The following CD2AP variants were observed in gnomAD, a reference collection of about 807,000 sequenced individuals.
CD2AP encodes CD2 associated protein, also known as CD2-associated protein.
CD2AP carries 46 observed loss-of-function variants against 85.1 expected under a neutral mutation model. The ratio of observed to expected loss-of-function variants is 0.54; its 90% CI spans 0.43 to 0.69. CD2AP has a LOEUF of 0.69. CD2AP is among the 30% of genes least tolerant of loss of function. The pLI is 0.00. For synonymous variants in CD2AP, 255 were observed against 252.9 expected (o/e 1.01, Z -0.08); for missense variants, 769 against 729.5 (o/e 1.05, Z -0.62).
At position 47,626,503 on chromosome 6, in the gene CD2AP, T is replaced by A. The variant is rs778386276; in HGVS notation, c.*2276T>A. The A allele has an allele frequency of 3.9e-5, 6 of 152,416 alleles. No individual in the cohort carries two copies. Among genetic ancestry groups the A allele is most frequent in the Admixed American group, 3.3e-4 (5 of 15,260 alleles). The allele number at this position is 152,416 out of a possible 1,614,324, so 9.4% of individuals were successfully genotyped here. ...AAAGTTGAACAGCATGGAATCTCAT[T>A]GCCAAATTATTAGTGAATGTATAGT... On this transcript the variant is annotated 3_prime_UTR_variant, in exon 18 of 18. Coordinates refer to ENST00000359314, the MANE Select transcript of CD2AP (RefSeq NM_012120.3).
intron 12 of CD2AP, among the ~76,000 whole-genome samples, chr6:47,597,750 C>A (rs1365965159): frequency 1.3e-5 from 2 of 149,260 alleles, no homozygotes; most frequent in African/African-American, 4.9e-5. Flanking sequence ...TGGTGGAATT[C>A]TCAACCTGGT....
intron 10 of CD2AP, 104 bp downstream of exon 10, chr6:47,581,004 T>C (rs1768463590): frequency 2.5e-6 from 2 of 814,544 alleles, no homozygotes; most frequent in East Asian, 2.5e-5. Flanking sequence ...TCAAGTATGA[T>C]GTCTGTAAAC....
chr6:47,488,716 A>G (rs1765639334), intron 1 of CD2AP, among the ~76,000 whole-genome samples: 2 of 69,720 alleles, frequency 2.9e-5, no homozygotes, highest in African/African-American at 9.6e-5. Flanking sequence ...GCAAGACTCC[A>G]TCTCTCCAAA....
At chr6:47,547,490 A>G (rs1767396244) in intron 4 of CD2AP, among the ~76,000 whole-genome samples, 1 of 152,042 alleles carries the variant, frequency 6.6e-6, no homozygotes, top group Admixed American at 6.5e-5. Flanking sequence ...ACAATTCTAT[A>G]TATATATATG....
rs576954086 is a variant in CD2AP at position 47,595,774 on chromosome 6, C to G, written c.1109-87C>G. 31 of 1,124,208 alleles carry G rather than the reference C, an allele frequency of 2.8e-5. No individual in the cohort carries two copies. The East Asian group carries it at 6.6e-4, about 24-fold the overall frequency. 69.6% of individuals were successfully genotyped at this position (1,124,208 alleles called of 1,614,324 possible). A position where few individuals can be genotyped will look rare whatever the true frequency, so the allele number is the denominator to read the frequency against. On this transcript the variant is annotated intron_variant, in intron 11 of 17. Transcript: ENST00000359314. ...AAAGTTCATGTCTGCCTCTGTCACA[C>G]TTTTCCAGCCTGATACAAACTTTTG...
intron 9 of CD2AP, 40 bp from the exon 10 acceptor site, chr6:47,580,824 T>C (rs765893069): frequency 1.4e-6 from 2 of 1,477,050 alleles, no homozygotes; most frequent in Non-Finnish European, 1.9e-6. Context: ...ATATTTGATA[T>C]GAAACTGGTC....
chr6:47,610,949 T>TTATATATATATATATATATATA (rs10580325), intron 16 of CD2AP, among the ~76,000 whole-genome samples: 21 of 114,208 alleles, frequency 1.8e-4, no homozygotes, highest in African/African-American at 4.0e-4. Context: ...TATTTCTGAT[T>TTATATATATATATATATATATA]TATATATATA....
chr6:47,528,000 CAT>C (rs1356663994), intron 2 of CD2AP, among the ~76,000 whole-genome samples: 1 of 152,084 alleles, frequency 6.6e-6, no homozygotes, highest in East Asian at 1.9e-4. Flanking sequence ...TTAATAGAAA[CAT>C]GTTTTATATA....
At chr6:47,614,449 A>G (rs1323947244) in intron 17 of CD2AP, among the ~76,000 whole-genome samples, 1 of 152,220 alleles carries the variant, frequency 6.6e-6, no homozygotes, top group Non-Finnish European at 1.5e-5. Flanking sequence ...GGAGAGAGTC[A>G]GAAGAAAGGC....
At chr6:47,478,272 C>T (rs748147507) in intron 1 of CD2AP, 24 bp downstream of exon 1, 7 of 1,567,118 alleles carry the variant, frequency 4.5e-6, no homozygotes, top group East Asian at 2.4e-5. Context: ...GCGCTTCCCG[C>T]CGCCCGTCCG....
intron 11 of CD2AP, among the ~76,000 whole-genome samples, chr6:47,586,091 A>G (rs1196415378): frequency 6.6e-6 from 1 of 152,230 alleles, no homozygotes; most frequent in East Asian, 1.9e-4. Context: ...CAGTCAGCAG[A>G]AAAGAGCAAG....
intron 1 of CD2AP, among the ~76,000 whole-genome samples, chr6:47,493,062 C>T (rs1231242743): frequency 2.0e-5 from 3 of 152,140 alleles, no homozygotes; most frequent in Non-Finnish European, 4.4e-5. Flanking sequence ...TATTCATATG[C>T]TATAATCATG....
At chr6:47,499,191 T>C (rs748897256) in intron 1 of CD2AP, among the ~76,000 whole-genome samples, 3 of 152,172 alleles carry the variant, frequency 2.0e-5, no homozygotes, top group Non-Finnish European at 4.4e-5. Flanking sequence ...TAAAGAGTCC[T>C]GATTCCTTTT....
intron 13 of CD2AP, among the ~76,000 whole-genome samples, chr6:47,604,396 A>G (rs1769216105): frequency 6.6e-6 from 1 of 152,034 alleles, no homozygotes; most frequent in Non-Finnish European, 1.5e-5. Flanking sequence ...CATACAGAAG[A>G]CATTTTACAT....
chr6:47,512,540 A>G (rs889219933), intron 2 of CD2AP, among the ~76,000 whole-genome samples: 1 of 152,136 alleles, frequency 6.6e-6, no homozygotes, highest in African/African-American at 2.4e-5. Context: ...ATTATGAAAA[A>G]CTTTAGACAC....
chr6:47,613,708 G>A (rs1769506301), intron 17 of CD2AP, among the ~76,000 whole-genome samples: 1 of 152,166 alleles, frequency 6.6e-6, no homozygotes, highest in African/African-American at 2.4e-5. Context: ...GCCACCAGCT[G>A]CATTCACCTA....
rs78311912 is a variant in CD2AP at position 47,579,350 on chromosome 6, G to T, written c.904-35G>T. The T allele has an allele frequency of 5.7e-5, 50 of 872,576 alleles. 1 individual carries two copies. The highest frequency in any genetic ancestry group is 2.9e-4 in the Middle Eastern group (1 of 3,464). 54.1% of individuals were successfully genotyped at this position (872,576 alleles called of 1,614,324 possible). ...ACTTTATCTTAAAAAAAAAAAAAAG[G>T]TCTATTGTCTTAATTATTCTATTTT... On this transcript the variant is annotated intron_variant, in intron 8 of 17. Transcript: ENST00000359314.
chr6:47,580,384 C>T (rs1768441663), intron 9 of CD2AP, among the ~76,000 whole-genome samples: 1 of 151,976 alleles, frequency 6.6e-6, no homozygotes, highest in African/African-American at 2.4e-5. Context: ...TTTAACTGTT[C>T]CTTTGAGAGT....
intron 13 of CD2AP, 118 bp downstream of exon 13, chr6:47,599,561 C>CTGTGTA: frequency 1.1e-6 from 1 of 931,316 alleles, no homozygotes; most frequent in Non-Finnish European, 1.6e-6. Flanking sequence ...TGAAATTACA[C>CTGTGTA]AGTTGAAATT....
Sources: gnomAD v4.1 joint callset for allele counts (sites outside exome capture counted in the v4.1 genomes callset) on GRCh38, gnomAD v4.1.1 for gene constraint, MANE v1.5 for transcripts, NCBI Gene and HGNC (gene_info 2026-07-23, HGNC 2026-07-21) for gene names.